Variants in BIRC6 observed in about 807,000 individuals in gnomAD.
BIRC6 encodes the protein baculoviral IAP repeat containing 6.
Under a neutral mutation model 503.3 loss-of-function variants are expected in BIRC6, and 98 were observed. The observed-to-expected ratio is 0.19, with a 90% CI of 0.17 to 0.23. The LOEUF is 0.23. Ranked by LOEUF, BIRC6 falls within the 10% of genes least tolerant of loss-of-function variation. The pLI is 1.00. For missense variants in BIRC6, 5,360 were observed against 5,806.0 expected (o/e 0.92, Z 2.50); for synonymous variants, 2,240 against 2,078.7 (o/e 1.08, Z -2.11).
chr2:32,605,103 G>A (rs561594338), intron 71 of BIRC6, among the ~76,000 whole-genome samples: 8 of 152,088 alleles, frequency 5.3e-5, no homozygotes, highest in South Asian at 2.1e-4. Context: ...GGATGGCCTC[G>A]AGCCCCTGAT....
chr2:32,599,971 A>T (rs1179763104), intron 70 of BIRC6, 71 bp downstream of exon 70: 45 of 1,485,400 alleles, frequency 3.0e-5, no homozygotes, highest in Non-Finnish European at 9.1e-7. Flanking sequence ...ATTTGAAGAA[A>T]AATTTTGTTT....
intron 65 of BIRC6, among the ~76,000 whole-genome samples, chr2:32,553,764 G>T (rs1291048661): frequency 6.6e-6 from 1 of 152,002 alleles, no homozygotes; most frequent in Non-Finnish European, 1.5e-5. Context: ...TCATATTTAG[G>T]CTAAATTAAT....
chr2:32,531,474 C>G lies in BIRC6; in HGVS notation c.12214C>G (p.Gln4072Glu). Residue 4072 changes from glutamine to glutamate, a missense_variant, in exon 61 of 74, where the codon CAA (glutamine) becomes GAA (glutamate). Physicochemically the swap from Gln to Glu is conservative, Grantham distance 29. This residue lies in a region of BIRC6 where 878 missense variants were observed against 928.9 expected (regional missense o/e 0.95). Transcript: ENST00000421745. Reference sequence around the variant, plus strand: ...AACCTGTCCAATTCAGTCACCATTACAAGTTTTTGCAGGAATGGGTGGACT... The same window carrying G: ...AACCTGTCCAATTCAGTCACCATTAGAAGTTTTTGCAGGAATGGGTGGACT... Reference protein sequence around the residue: ...LETCPIQSPLQVFAGMGGLAL... With the variant: ...LETCPIQSPLEVFAGMGGLAL... 6.2e-7 allele frequency: 1 copy of G among 1,613,822 alleles called. No homozygotes were observed. Among genetic ancestry groups the G allele is most frequent in the South Asian group, 1.1e-5 (1 of 91,038 alleles).
Position 32,415,150 on chromosome 2 carries a change from C to G in BIRC6, c.1859C>G (p.Ser620Cys), listed in dbSNP as rs929365762. Reference sequence around the variant, plus strand: ...TCCTGCACTAATTCAGAACTAAATTCTCCTCTGGTAAGGAGGACTTTACCG... The same window carrying G: ...TCCTGCACTAATTCAGAACTAAATTGTCCTCTGGTAAGGAGGACTTTACCG... ...NESCTNSELN[S>C]PLVRRTLPVL... is the part of the protein sequence containing the mutation. The change falls in exon 10 of 74, where the codon TCT becomes TGT. Residue 620 changes from serine (S) to cysteine (C), a missense_variant. Around this residue, in one of 16 missense-constraint regions of BIRC6, gnomAD observed 700 missense variants for 739.3 expected, o/e 0.95. Coordinates refer to ENST00000421745, the MANE Select transcript of BIRC6 (RefSeq NM_016252.4). 2 of 1,613,878 alleles carry G rather than the reference C, an allele frequency of 1.2e-6. No homozygotes were observed. The highest frequency in any genetic ancestry group is 2.7e-5 in the African/African-American group (2 of 74,948).
At position 32,357,556 on chromosome 2, in the gene BIRC6, C is replaced by T; in HGVS notation, c.325+70C>T. Reference sequence around the variant, plus strand: ...GCCGTCCAGCCCCGGGGCTCGGCCTCGCGACTCGGGGAAGCGAGATGGCGA... The same window carrying T: ...GCCGTCCAGCCCCGGGGCTCGGCCTTGCGACTCGGGGAAGCGAGATGGCGA... On this transcript the variant is annotated intron_variant, in intron 1 of 73. Transcript: ENST00000421745. The surrounding 1 kb of genome is among the most constrained non-coding windows in gnomAD (Gnocchi z 4.9). 5 of 1,503,456 alleles carry T rather than the reference C, an allele frequency of 3.3e-6. No homozygotes were observed. The highest frequency in any genetic ancestry group is 1.2e-5 in the South Asian group (1 of 80,192). The allele number at this position is 1,503,456 out of a possible 1,614,324, so 93.1% of individuals were successfully genotyped here. A position where few individuals can be genotyped will look rare whatever the true frequency, so the allele number is the denominator to read the frequency against.
At chr2:32,463,164 T>C (rs1324943993) in intron 23 of BIRC6, 30 bp from the exon 24 acceptor site, 3 of 1,553,380 alleles carry the variant, frequency 1.9e-6, no homozygotes, top group East Asian at 4.6e-5. Flanking sequence ...GTGTTTTTTG[T>C]TTTTGTTTTT....
At chr2:32,596,615 A>G (rs1178056589) in intron 68 of BIRC6, among the ~76,000 whole-genome samples, 1 of 152,108 alleles carries the variant, frequency 6.6e-6, no homozygotes, top group African/African-American at 2.4e-5. Flanking sequence ...ACTCAAGGGG[A>G]GGGGAAGAGT....
At chr2:32,479,692 A>C in intron 37 of BIRC6, 75 bp downstream of exon 37, 1 of 1,302,936 alleles carries the variant, frequency 7.7e-7, no homozygotes, top group Non-Finnish European at 1.0e-6. Flanking sequence ...TGTTAGAGAA[A>C]AATAAAGTTG....
At chr2:32,417,715 C>T (rs1293754601) in intron 10 of BIRC6, among the ~76,000 whole-genome samples, 2 of 152,080 alleles carry the variant, frequency 1.3e-5, no homozygotes, top group African/African-American at 2.4e-5. Flanking sequence ...AGCCAAGGAA[C>T]GTAATGGTGA....
At chr2:32,367,740 C>T (rs538395220) in intron 1 of BIRC6, among the ~76,000 whole-genome samples, 3 of 152,110 alleles carry the variant, frequency 2.0e-5, no homozygotes, top group African/African-American at 2.4e-5. Context: ...CGCTGGAACC[C>T]GGGAGATAGA....
chr2:32,451,671 T>C (rs765344827), intron 22 of BIRC6, among the ~76,000 whole-genome samples: 17 of 152,374 alleles, frequency 1.1e-4, no homozygotes, highest in Non-Finnish European at 2.4e-4. Flanking sequence ...GAAGTTCAGT[T>C]ACAAGCTGAA....
chr2:32,495,383 A>C (rs975842966), intron 45 of BIRC6, among the ~76,000 whole-genome samples: 1 of 152,206 alleles, frequency 6.6e-6, no homozygotes, highest in African/African-American at 2.4e-5. Flanking sequence ...GCTGTGGCCC[A>C]AGAAGAATGT....
At chr2:32,361,573 A>G (rs72867217) in intron 1 of BIRC6, among the ~76,000 whole-genome samples, 1,814 of 152,276 alleles carry the variant, frequency 0.012, 17 homozygotes, top group African/African-American at 0.021. Flanking sequence ...TTGGTGTTGT[A>G]CAGGCTGTGG....
intron 10 of BIRC6, among the ~76,000 whole-genome samples, chr2:32,426,852 G>A (rs1399821665): frequency 6.6e-6 from 1 of 152,084 alleles, no homozygotes; most frequent in Non-Finnish European, 1.5e-5. Context: ...CTCAGTCTTT[G>A]TTTTTCTGGA....
chr2:32,381,666 C>T (rs1237344560), intron 3 of BIRC6, among the ~76,000 whole-genome samples: 5 of 151,898 alleles, frequency 3.3e-5, no homozygotes, highest in African/African-American at 1.2e-4. Context: ...CTGCCTCAGC[C>T]TCCCGAGTAG....
rs199764316 is a variant in BIRC6 at position 32,499,987 on chromosome 2, G to C, written c.8909G>C (p.Ser2970Thr). The stretch of plus-strand genomic sequence containing the variant: ...GGAGGCAAAGATGGCAATGGAAGCA[G>C]TACCAGTGTTCAAGGATCGCCTGCA... ...VSGGKDGNGS[S>T]TSVQGSPAYV... Residue 2970 changes from serine to threonine, a missense_variant, in exon 46 of 74, where the codon AGT (serine) becomes ACT (threonine). By Grantham distance (58) the Ser-to-Thr change is moderately conservative. Around this residue, in one of 16 missense-constraint regions of BIRC6, gnomAD observed 2,299 missense variants for 2,267.2 expected, o/e 1.01. Coordinates refer to ENST00000421745, the MANE Select transcript of BIRC6 (RefSeq NM_016252.4). 5.0e-6 allele frequency: 8 copies of C among 1,614,004 alleles called. No individual in the cohort carries two copies. The highest frequency in any genetic ancestry group is 4.0e-5 in the African/African-American group (3 of 75,046).
intron 21 of BIRC6, 108 bp downstream of exon 21, chr2:32,445,776 C>G (rs979612683): frequency 3.5e-6 from 3 of 851,064 alleles, no homozygotes; most frequent in Non-Finnish European, 4.8e-6. Flanking sequence ...CTTTTTCTTA[C>G]AAAAATGTTT....
intron 65 of BIRC6, chr2:32,566,288 G>A (rs1488887103): frequency 6.6e-6 from 1 of 152,026 alleles, no homozygotes; most frequent in Non-Finnish European, 1.5e-5. Flanking sequence ...TTTGAGATAA[G>A]GTCTCACTCT....
At chr2:32,435,735 G>T in intron 14 of BIRC6, 150 bp downstream of exon 14, 1 of 868,200 alleles carries the variant, frequency 1.2e-6, no homozygotes, top group Middle Eastern at 2.4e-4. Context: ...TTGGCAATAT[G>T]CTTTAACTTT....
Sources: allele counts gnomAD v4.1 joint callset (sites outside exome capture counted in the v4.1 genomes callset), GRCh38; gene constraint gnomAD v4.1.1; regional missense constraint gnomAD v4.1.1; non-coding constraint Gnocchi (gnomAD v3.1); transcripts MANE v1.5; gene names NCBI Gene and HGNC (gene_info 2026-07-23, HGNC 2026-07-21).